Variants in PLD1 observed in about 807,000 individuals in gnomAD.
PLD1 encodes phospholipase D1.
A neutral mutation model predicts 137.1 loss-of-function variants in PLD1; 112 were observed. That is an observed-to-expected ratio of 0.82 (90% CI 0.70 to 0.96). The LOEUF is 0.96. Ranked by LOEUF, PLD1 falls within the 40% of genes least tolerant of loss-of-function variation. The probability of loss-of-function intolerance (pLI) is 0.00; values close to 1 mark genes in which losing one functional copy is unlikely to be tolerated. For synonymous variants in PLD1, 431 were observed against 454.7 expected, an observed-to-expected ratio of 0.95 and a Z score of 0.66; for missense variants, 1,321 against 1,342.0, an observed-to-expected ratio of 0.98 and a Z score of 0.24.
intron 5 of PLD1, among the ~76,000 whole-genome samples, chr3:171,733,948 T>C (rs1719141252): frequency 6.6e-6 from 1 of 152,206 alleles, no homozygotes; most frequent in African/African-American, 2.4e-5. Context: ...TAAAAGACTT[T>C]CTAGTAGAAT....
At chr3:171,734,479 A>AT (rs1560262110) in intron 5 of PLD1, among the ~76,000 whole-genome samples, 2 of 152,124 alleles carry the variant, frequency 1.3e-5, no homozygotes, top group African/African-American at 4.8e-5. Context: ...TAGGAATGAG[A>AT]TTTTACATAT....
rs112036117 is a variant in PLD1, at chr3:171,700,034, T to TTCTCTC, written c.1146-214_1146-209dup. On this transcript the variant is annotated intron_variant, in intron 11 of 26. Coordinates refer to ENST00000351298, the MANE Select transcript of PLD1 (RefSeq NM_002662.5). ...TATACAAAACATCAATCTTAGTTCT[T>TTCTCTC]TCTCTCTCTCTCTCTCTCTCCCCCC... 0.067 allele frequency among the ~76,000 whole-genome samples: 9,959 copies of TTCTCTC among 148,626 alleles called. 1,018 individuals are homozygous for TTCTCTC. Among genetic ancestry groups the TTCTCTC allele is most frequent in the African/African-American group, 0.22 (8,827 of 40,010 alleles).
chr3:171,716,230 T>TTA (rs1717674166), intron 8 of PLD1, among the ~76,000 whole-genome samples: 1 of 152,188 alleles, frequency 6.6e-6, no homozygotes. Flanking sequence ...AGTAGAATGG[T>TTA]TATAGTCCTC....
chr3:171,656,983 T>C (rs546700243), intron 21 of PLD1, among the ~76,000 whole-genome samples: 41 of 152,284 alleles, frequency 2.7e-4, no homozygotes, highest in African/African-American at 9.6e-4. Flanking sequence ...GGGGAAGCCC[T>C]GAATGGGTTT....
At chr3:171,628,346 C>T (rs1734329787) in intron 23 of PLD1, among the ~76,000 whole-genome samples, 1 of 152,134 alleles carries the variant, frequency 6.6e-6, no homozygotes, top group South Asian at 2.1e-4. Flanking sequence ...CAATAAGAGG[C>T]TCTGAAATTG....
chr3:171,664,459 A>ATTT (rs201782822), intron 19 of PLD1, among the ~76,000 whole-genome samples: 2 of 142,440 alleles, frequency 1.4e-5, no homozygotes, highest in Non-Finnish European at 3.1e-5. Context: ...AACCTCCAGG[A>ATTT]TTTTTTTTTT....
chr3:171,774,487 T>C (rs1269813883), intron 1 of PLD1, among the ~76,000 whole-genome samples: 9 of 152,132 alleles, frequency 5.9e-5, no homozygotes, highest in Admixed American at 3.9e-4. Flanking sequence ...AGTCCTCTTA[T>C]GTCACATCAT....
intron 1 of PLD1, among the ~76,000 whole-genome samples, chr3:171,800,100 C>T (rs184556524): frequency 3.3e-5 from 5 of 152,278 alleles, no homozygotes; most frequent in African/African-American, 1.2e-4. Context: ...TATCATATAC[C>T]TATGTGAGAT....
At chr3:171,638,730 G>A (rs556337860) in intron 23 of PLD1, among the ~76,000 whole-genome samples, 9 of 152,232 alleles carry the variant, frequency 5.9e-5, no homozygotes, top group South Asian at 2.1e-4. Flanking sequence ...ACCATTAATC[G>A]TATGTATCAA....
intron 23 of PLD1, among the ~76,000 whole-genome samples, chr3:171,624,204 A>C (rs1269356219): frequency 3.3e-5 from 5 of 152,152 alleles, no homozygotes; most frequent in African/African-American, 1.2e-4. Context: ...TCAAAATCTT[A>C]ATAGAAAAAT....
At chr3:171,764,832 AAAGAAAGAAAGAAAG>A (rs1294350249) in intron 1 of PLD1, among the ~76,000 whole-genome samples, 1 of 7,604 alleles carries the variant, frequency 1.3e-4, no homozygotes, top group Non-Finnish European at 3.1e-4. Flanking sequence ...AAAGAGAAAG[AAAGAAAGAAAGAAAG>A]AAAGAAAGAA....
At chr3:171,633,572 A>G (rs950031602) in intron 23 of PLD1, among the ~76,000 whole-genome samples, 13 of 152,166 alleles carry the variant, frequency 8.5e-5, no homozygotes, top group African/African-American at 2.9e-4. Flanking sequence ...CCACCATGGC[A>G]TGTGTATACC....
chr3:171,766,385 CCCA>C (rs1721975096), intron 1 of PLD1, among the ~76,000 whole-genome samples: 1 of 151,984 alleles, frequency 6.6e-6, no homozygotes, highest in Admixed American at 6.6e-5. Context: ...CATCAGAAAT[CCCA>C]CCTTCAAAAT....
At chr3:171,635,908 GC>G (rs1345044942) in intron 23 of PLD1, among the ~76,000 whole-genome samples, 1 of 142,720 alleles carries the variant, frequency 7.0e-6, no homozygotes, top group African/African-American at 2.6e-5. Flanking sequence ...TTACATTTAG[GC>G]CTTTGATCCA....
At chr3:171,661,021 A>C (rs941987667) in intron 20 of PLD1, among the ~76,000 whole-genome samples, 1 of 152,234 alleles carries the variant, frequency 6.6e-6, no homozygotes, top group Non-Finnish European at 1.5e-5. Flanking sequence ...TTAAATTAAT[A>C]ATACTAATAG....
intron 1 of PLD1, among the ~76,000 whole-genome samples, chr3:171,747,018 G>C (rs927201181): frequency 6.6e-6 from 1 of 152,114 alleles, no homozygotes; most frequent in Non-Finnish European, 1.5e-5. Flanking sequence ...GCAAGACCAC[G>C]AACCCACCCG....
At position 171,601,798 on chromosome 3, in the gene PLD1, T is replaced by G. The variant is rs1359077111; in HGVS notation, c.*1280A>C. 6.6e-6 allele frequency: 1 copy of G among 152,200 alleles called. No individual in the cohort carries two copies. Among genetic ancestry groups the G allele is most frequent in the Admixed American group, 6.5e-5 (1 of 15,286 alleles). 9.4% of individuals were successfully genotyped at this position (152,200 alleles called of 1,614,324 possible). Reference sequence around the variant, plus strand: ...AGGCCTTTTGGTAACCCACATTAGCTCTTTAGACTGTCAGAGTTGTTCAGC... The same window carrying G: ...AGGCCTTTTGGTAACCCACATTAGCGCTTTAGACTGTCAGAGTTGTTCAGC... On this transcript the variant is annotated 3_prime_UTR_variant, in exon 27 of 27. Coordinates refer to ENST00000351298, the MANE Select transcript of PLD1 (RefSeq NM_002662.5).
intron 23 of PLD1, among the ~76,000 whole-genome samples, chr3:171,623,408 G>A (rs1366355650): frequency 4.7e-5 from 7 of 148,682 alleles, no homozygotes; most frequent in East Asian, 4.0e-4. Context: ...TCCGCCTCCC[G>A]GGTTCACGCC....
intron 23 of PLD1, among the ~76,000 whole-genome samples, chr3:171,623,341 G>A (rs1273067659): frequency 1.4e-5 from 2 of 142,844 alleles, no homozygotes; most frequent in African/African-American, 5.3e-5. Context: ...TTGAGATGGA[G>A]TCTCGCTCTG....
Sources: allele counts gnomAD v4.1 joint callset (sites outside exome capture counted in the v4.1 genomes callset), GRCh38; gene constraint gnomAD v4.1.1; transcripts MANE v1.5; gene names NCBI Gene and HGNC (gene_info 2026-07-23, HGNC 2026-07-21).